Variants in STRBP observed in about 807,000 individuals in gnomAD.
The protein encoded by STRBP is spermatid perinuclear RNA-binding protein.
Under a neutral mutation model 80.1 loss-of-function variants are expected in STRBP, and 13 were observed. The observed-to-expected ratio is 0.16, with a 90% CI of 0.11 to 0.26. The LOEUF (loss-of-function observed/expected upper bound fraction) is 0.26, where lower values mean the gene tolerates loss of function less well. Ranked by LOEUF, STRBP falls within the 10% of genes least tolerant of loss-of-function variation. STRBP has a pLI of 1.00. For missense variants in STRBP, 485 were observed against 815.2 expected, an observed-to-expected ratio of 0.59 and a Z score of 4.93; for synonymous variants, 284 against 291.2, an observed-to-expected ratio of 0.98 and a Z score of 0.25.
At chr9:123,259,570 G>A (rs142139833) in intron 1 of STRBP, among the ~76,000 whole-genome samples, 1,704 of 152,286 alleles carry the variant, frequency 0.011, 83 homozygotes, top group Admixed American at 0.085. Context: ...TTAGCTGGGC[G>A]TGGTGGCGCA....
At chr9:123,152,543 A>C (rs995565235) in intron 11 of STRBP, among the ~76,000 whole-genome samples, 2 of 152,192 alleles carry the variant, frequency 1.3e-5, no homozygotes, top group African/African-American at 4.8e-5. Flanking sequence ...ATACTACTGA[A>C]CAAGAAGGTA....
At position 123,147,778 on chromosome 9, in the gene STRBP, T is replaced by G; in HGVS notation, c.1138A>C (p.Ile380Leu). Residue 380 changes from isoleucine (I) to leucine (L), a missense_variant and splice_region_variant, in exon 12 of 19, where the codon ATT becomes CTT. Transcript: ENST00000348403. Reference protein sequence around the residue: ...NKKMKRNLRKILDSKAIDLMN... With the variant: ...NKKMKRNLRKLLDSKAIDLMN... Reference sequence around the variant, plus strand: ...CTATAAGAATAAAGGTTTTACACACTTTTCCTTAAGTTTCGTTTCATCTTC... The same window carrying G: ...CTATAAGAATAAAGGTTTTACACACGTTTCCTTAAGTTTCGTTTCATCTTC... The G allele has an allele frequency of 6.2e-7, 1 of 1,605,658 alleles. No individual in the cohort carries two copies. The highest frequency in any genetic ancestry group is 8.5e-7 in the Non-Finnish European group (1 of 1,175,132).
intron 16 of STRBP, among the ~76,000 whole-genome samples, chr9:123,134,212 A>G (rs2036259814): frequency 6.6e-6 from 1 of 152,222 alleles, no homozygotes; most frequent in Admixed American, 6.5e-5. Context: ...GCTAGAAACA[A>G]TTAAGATTCC....
Position 123,159,115 on chromosome 9 carries a change from T to A in STRBP, c.816A>T (p.Ala272=). The A allele has an allele frequency of 6.2e-7, 1 of 1,613,422 alleles. No homozygotes were observed. The highest frequency in any genetic ancestry group is 8.5e-7 in the Non-Finnish European group (1 of 1,179,424). The change falls in exon 9 of 19, where the codon GCA becomes GCT. Residue 272 remains alanine, a synonymous_variant. Coordinates refer to ENST00000348403, the MANE Select transcript of STRBP (RefSeq NM_018387.5). ...CCTTACCAGGAAGTAGTATTCCAGATGCCAAACACTCCATTACTCGTCTCA... is the reference window on the plus strand; with the variant it reads ...CCTTACCAGGAAGTAGTATTCCAGAAGCCAAACACTCCATTACTCGTCTCA... The part of the protein sequence containing the change: ...EALRRVMECL[A]SGILLPGGPG...
intron 6 of STRBP, 91 bp from the exon 7 acceptor site, chr9:123,161,159 C>A: frequency 9.5e-7 from 1 of 1,051,310 alleles, no homozygotes; most frequent in South Asian, 1.6e-5. Context: ...AAAAGAATAA[C>A]AGCATTTGAG....
At chr9:123,111,997 C>T (rs2035574897) in intron 3 of STRBP, 4 of 180,636 alleles carry the variant, frequency 2.2e-5, no homozygotes. Context: ...GAAGCAGCAC[C>T]CAGTTTCTGA....
intron 1 of STRBP, among the ~76,000 whole-genome samples, chr9:123,267,637 C>T (rs903669323): frequency 4.6e-5 from 7 of 151,918 alleles, no homozygotes; most frequent in African/African-American, 1.7e-4. Context: ...CCCCTCCCTC[C>T]CTTTCAGGCG....
chr9:123,189,251 T>C (rs903480756), intron 2 of STRBP, among the ~76,000 whole-genome samples: 8 of 131,442 alleles, frequency 6.1e-5, no homozygotes, highest in East Asian at 2.3e-4. Context: ...TAGGTGGGAA[T>C]TGAACAATGA....
rs576872340 is a variant in STRBP, at chr9:123,127,204, G to T, written c.1942+1010C>A. The stretch of plus-strand genomic sequence containing the variant: ...TATGTCCACAGTTACGAAATCAGAT[G>T]AAGGTTCAGTTCAGCAGTGTTTTAG... On this transcript the variant is annotated intron_variant, in intron 18 of 18. Transcript: ENST00000348403. 2.6e-5 allele frequency among the ~76,000 whole-genome samples: 4 copies of T among 152,366 alleles called. No individual in the cohort carries two copies. In the East Asian group the frequency reaches 7.7e-4, roughly 29 times the overall value.
chr9:123,161,998 A>G (rs1365447420), intron 6 of STRBP, among the ~76,000 whole-genome samples: 1 of 152,226 alleles, frequency 6.6e-6, no homozygotes, highest in African/African-American at 2.4e-5. Context: ...AATACAATTA[A>G]GTCGGATTTA....
At chr9:123,191,685 T>G (rs1422518082) in intron 2 of STRBP, among the ~76,000 whole-genome samples, 1 of 152,188 alleles carries the variant, frequency 6.6e-6, no homozygotes, top group East Asian at 1.9e-4. Flanking sequence ...TTTTTGATAT[T>G]TTTTAACCAC....
At chr9:123,251,343 T>C (rs949954349) in intron 1 of STRBP, among the ~76,000 whole-genome samples, 13 of 152,144 alleles carry the variant, frequency 8.5e-5, no homozygotes, top group Non-Finnish European at 1.8e-4. Flanking sequence ...TATCCCATAA[T>C]CTTCAAGACC....
At chr9:123,147,121 G>T in intron 12 of STRBP, 67 bp from the exon 13 acceptor site, 2 of 1,459,438 alleles carry the variant, frequency 1.4e-6, no homozygotes, top group Non-Finnish European at 1.9e-6. Context: ...GCGTTTTTGG[G>T]GTTCCTAGTA....
intron 4 of STRBP, among the ~76,000 whole-genome samples, chr9:123,177,515 A>G (rs2038273288): frequency 6.6e-6 from 1 of 152,124 alleles, no homozygotes; most frequent in Non-Finnish European, 1.5e-5. Flanking sequence ...CAAGGCTACA[A>G]TAAGCTATGA....
Position 123,146,891 on chromosome 9 carries a change from T to A in STRBP, c.1302A>T (p.Pro434=). 6.2e-7 allele frequency: 1 copy of A among 1,613,082 alleles called. No individual in the cohort carries two copies. Among genetic ancestry groups the A allele is most frequent in the Non-Finnish European group, 8.5e-7 (1 of 1,179,286 alleles). ...CGTGAAGTTTTGCTGTTTTCTTGGA[T>A]GGTCCTGAGGCTTCATATGTTGTGC... ...VDGTTYEASG[P]SKKTAKLHVA... The change falls in exon 13 of 19, where the codon CCA becomes CCT. Residue 434 remains proline, a synonymous_variant. Coordinates refer to ENST00000348403, the MANE Select transcript of STRBP (RefSeq NM_018387.5).
At chr9:123,165,039 T>C (rs1314253238) in intron 6 of STRBP, among the ~76,000 whole-genome samples, 1 of 151,702 alleles carries the variant, frequency 6.6e-6, no homozygotes, top group African/African-American at 2.4e-5. Flanking sequence ...TCCCGGCACT[T>C]TGGGAGGCCG....
At chr9:123,259,260 T>C (rs557082576) in intron 1 of STRBP, among the ~76,000 whole-genome samples, 3 of 152,190 alleles carry the variant, frequency 2.0e-5, no homozygotes, top group Non-Finnish European at 2.9e-5. Context: ...AATGGAAAGA[T>C]GAAGCTGCTA....
intron 3 of STRBP, among the ~76,000 whole-genome samples, chr9:123,183,566 G>C (rs2038579038): frequency 6.6e-6 from 1 of 152,044 alleles, no homozygotes. Context: ...CTAGGCACCA[G>C]AGACTATGAG....
intron 4 of STRBP, among the ~76,000 whole-genome samples, chr9:123,177,979 A>G (rs529475226): frequency 1.3e-5 from 2 of 152,316 alleles, no homozygotes; most frequent in East Asian, 1.9e-4. Flanking sequence ...CAGACATCAT[A>G]TATGAGAAAA....
Sources: gnomAD v4.1 joint callset for allele counts (sites outside exome capture counted in the v4.1 genomes callset) on GRCh38, gnomAD v4.1.1 for gene constraint, MANE v1.5 for transcripts, NCBI Gene and HGNC (gene_info 2026-07-23, HGNC 2026-07-21) for gene names.